ZFHX3: variants seen among roughly 807,000 people sequenced by gnomAD.
The protein encoded by ZFHX3 is zinc finger homeobox protein 3.
Under a neutral mutation model 279.1 loss-of-function variants are expected in ZFHX3, and 42 were observed. That is an observed-to-expected ratio of 0.15 (90% confidence interval 0.12 to 0.19). ZFHX3 has a LOEUF of 0.19. Among genes scored for constraint, ZFHX3 ranks in the 10% least tolerant of loss-of-function variants. ZFHX3 has a pLI of 1.00. For missense variants in ZFHX3, 4,981 were observed against 4,754.0 expected (o/e 1.05, Z -1.40); for synonymous variants, 2,293 against 1,957.8 (o/e 1.17, Z -4.52).
At chr16:73,515,344 T>G (rs188464581) in intron 2 of ZFHX3, among the ~76,000 whole-genome samples, 1 of 152,008 alleles carries the variant, frequency 6.6e-6, no homozygotes, top group Admixed American at 6.6e-5. Flanking sequence ...AAGTCAAATA[T>G]GTAAAGGGAT....
At chr16:73,402,266 A>C (rs1201169027) in intron 3 of ZFHX3, 1 of 152,230 alleles carries the variant, frequency 6.6e-6, no homozygotes, top group Non-Finnish European at 1.5e-5. Context: ...AAAATGATCT[A>C]ACTTCCAAAG....
At chr16:73,621,295 TA>T (rs1450318882) in intron 2 of ZFHX3, among the ~76,000 whole-genome samples, 2 of 152,150 alleles carry the variant, frequency 1.3e-5, no homozygotes, top group Non-Finnish European at 2.9e-5. Flanking sequence ...TAGGTCTCGA[TA>T]AAATGCTGTT....
chr16:73,226,272 A>C (rs530636946), intron 5 of ZFHX3, among the ~76,000 whole-genome samples: 1 of 152,314 alleles, frequency 6.6e-6, no homozygotes, highest in Admixed American at 6.5e-5. Context: ...TAGACAAGCA[A>C]CAGGGAGCTG....
intron 1 of ZFHX3, among the ~76,000 whole-genome samples, chr16:73,747,533 T>C (rs1160378658): frequency 6.6e-6 from 1 of 152,180 alleles, no homozygotes; most frequent in African/African-American, 2.4e-5. Flanking sequence ...CAGCAGAACC[T>C]AGCATACCCT....
chr16:73,568,995 C>T (rs1303670919), intron 2 of ZFHX3, among the ~76,000 whole-genome samples: 1 of 151,992 alleles, frequency 6.6e-6, no homozygotes, highest in East Asian at 1.9e-4. Context: ...CCAGGCAGTT[C>T]ATCTGATTCG....
At chr16:72,965,035 G>A (rs953733230) in intron 1 of ZFHX3, among the ~76,000 whole-genome samples, 4 of 151,404 alleles carry the variant, frequency 2.6e-5, no homozygotes, top group Admixed American at 2.6e-4. Context: ...CCACCACCAC[G>A]TCTGGCTAAC....
rs1185922833 is a variant in ZFHX3 at position 72,783,395 on chromosome 16, ATG to A, written c.*3767_*3768del. The A allele has an allele frequency of 6.6e-6, 1 of 152,494 alleles. No individual in the cohort carries two copies. The highest frequency in any genetic ancestry group is 1.9e-4 in the East Asian group (1 of 5,188). 9.4% of individuals were successfully genotyped at this position (152,494 alleles called of 1,614,324 possible). A position where few individuals can be genotyped will look rare whatever the true frequency, so the allele number is the denominator to read the frequency against. ...AACTCAATTTATGCTTCTATTTAAAATGTTTTAATTTATTATTTAAAAAAAAT... is the reference window on the plus strand; with the variant it reads ...AACTCAATTTATGCTTCTATTTAAAATTTTAATTTATTATTTAAAAAAAAT... On this transcript the variant is annotated 3_prime_UTR_variant, in exon 10 of 10. Coordinates refer to ENST00000268489, the MANE Select transcript of ZFHX3 (RefSeq NM_006885.4).
At chr16:73,093,695 C>CCTG in intron 7 of ZFHX3, 1 of 310,654 alleles carries the variant, frequency 3.2e-6, no homozygotes, top group South Asian at 2.8e-5. Flanking sequence ...AGGACATTAT[C>CCTG]TCACCATAAT....
intron 1 of ZFHX3, among the ~76,000 whole-genome samples, chr16:73,785,638 G>A (rs945565436): frequency 3.3e-5 from 5 of 152,054 alleles, no homozygotes; most frequent in African/African-American, 1.2e-4. Flanking sequence ...GGTGGGTGCA[G>A]GGTAAATCCT....
At chr16:73,455,286 A>C (rs189580111) in intron 3 of ZFHX3, among the ~76,000 whole-genome samples, 134 of 152,344 alleles carry the variant, frequency 8.8e-4, no homozygotes, top group African/African-American at 2.9e-3. Context: ...TTGCATTCTC[A>C]GAGTTTGGAA....
intron 1 of ZFHX3, among the ~76,000 whole-genome samples, chr16:73,733,646 G>C (rs181334829): frequency 4.6e-5 from 7 of 152,124 alleles, no homozygotes; most frequent in African/African-American, 1.7e-4. Context: ...GTCAACCTAA[G>C]TGTTGTATAA....
Position 73,101,651 on chromosome 16 carries a change from G to A in ZFHX3, c.-896-8053C>T, listed in dbSNP as rs189418691. On this transcript the variant is annotated intron_variant, in intron 7 of 17. Transcript: ENST00000641206. Reference sequence around the variant, plus strand: ...TCCTGACATCAAGTGATCCGCTCACGTCACCCTCCCATAGTGCTGGGATTA... The same window carrying A: ...TCCTGACATCAAGTGATCCGCTCACATCACCCTCCCATAGTGCTGGGATTA... 3.5e-3 allele frequency among the ~76,000 whole-genome samples: 538 copies of A among 151,816 alleles called. 1 individual carries two copies. The highest frequency in any genetic ancestry group is 5.5e-3 in the Admixed American group (84 of 15,222).
chr16:73,740,843 GA>G (rs2053650424), intron 1 of ZFHX3, among the ~76,000 whole-genome samples: 1 of 152,076 alleles, frequency 6.6e-6, no homozygotes, highest in African/African-American at 2.4e-5. Flanking sequence ...CAAGAGAGTT[GA>G]AAAGTCAAAT....
chr16:73,821,749 C>T (rs1483331649), intron 1 of ZFHX3, among the ~76,000 whole-genome samples: 2 of 152,238 alleles, frequency 1.3e-5, no homozygotes, highest in Admixed American at 6.5e-5. Flanking sequence ...TGCATCCCTC[C>T]TGCAGCCTAC....
intron 2 of ZFHX3, among the ~76,000 whole-genome samples, chr16:73,572,180 A>AC (rs1007264418): frequency 2.6e-5 from 4 of 151,998 alleles, no homozygotes; most frequent in South Asian, 2.1e-4. Context: ...AAAAAAAAAA[A>AC]AAAAAACTTT....
chr16:72,926,812 G>C (rs1959471630), intron 3 of ZFHX3, among the ~76,000 whole-genome samples: 1 of 152,160 alleles, frequency 6.6e-6, no homozygotes, highest in South Asian at 2.1e-4. Flanking sequence ...CCCGTTCTCT[G>C]GGTCTATCCT....
intron 5 of ZFHX3, among the ~76,000 whole-genome samples, chr16:73,195,624 G>A (rs1018500749): frequency 3.9e-5 from 6 of 151,984 alleles, no homozygotes; most frequent in Non-Finnish European, 8.8e-5. Flanking sequence ...TCACCATATT[G>A]GCCAGGCTGG....
intron 1 of ZFHX3, among the ~76,000 whole-genome samples, chr16:73,026,192 C>CAAAAAAAA (rs60146795): frequency 3.6e-4 from 17 of 47,484 alleles, no homozygotes; most frequent in Non-Finnish European, 4.8e-4. Context: ...ACAAAAAATA[C>CAAAAAAAA]AAAAAAAAAA....
At chr16:72,867,799 C>T (rs944428210) in intron 4 of ZFHX3, among the ~76,000 whole-genome samples, 1 of 152,060 alleles carries the variant, frequency 6.6e-6, no homozygotes. Context: ...CAGCTTTCCT[C>T]TTCTAATGAT....
Sources: allele counts gnomAD v4.1 joint callset (sites outside exome capture counted in the v4.1 genomes callset), GRCh38; gene constraint gnomAD v4.1.1; transcripts MANE v1.5; gene names NCBI Gene and HGNC (gene_info 2026-07-23, HGNC 2026-07-21).